Variants in PIGU observed in about 807,000 individuals in gnomAD.
PIGU encodes phosphatidylinositol glycan anchor biosynthesis class U.
A neutral mutation model predicts 49.9 loss-of-function variants in PIGU; 24 were observed. The ratio of observed to expected loss-of-function variants is 0.48; its 90% CI spans 0.35 to 0.68. PIGU has a LOEUF of 0.68. PIGU is among the 30% of genes least tolerant of loss of function. The pLI, the probability that PIGU is intolerant of heterozygous loss-of-function variation, is 0.01. For missense variants in PIGU, 490 were observed against 532.6 expected, an observed-to-expected ratio of 0.92 and a Z score of 0.79; for synonymous variants, 220 against 205.7, an observed-to-expected ratio of 1.07 and a Z score of -0.59.
chr20:34,603,891 A>C (rs1984521973), intron 7 of PIGU, among the ~76,000 whole-genome samples: 1 of 77,554 alleles, frequency 1.3e-5, no homozygotes, highest in South Asian at 3.2e-4. Context: ...CACACACACC[A>C]CACCCCTACA....
At chr20:34,644,325 C>T in intron 3 of PIGU, 99 bp from the exon 4 acceptor site, 1 of 945,832 alleles carries the variant, frequency 1.1e-6, no homozygotes, top group Non-Finnish European at 1.7e-6. Flanking sequence ...TGATGGACTA[C>T]CAAGTACTGG....
chr20:34,663,102 G>C (rs1250016061), intron 1 of PIGU, among the ~76,000 whole-genome samples: 1 of 151,974 alleles, frequency 6.6e-6, no homozygotes, highest in Non-Finnish European at 1.5e-5. Flanking sequence ...ACAGTGTCTT[G>C]CCATGTTGCG....
chr20:34,589,394 G>A (rs570471083), intron 7 of PIGU, among the ~76,000 whole-genome samples: 5 of 152,154 alleles, frequency 3.3e-5, no homozygotes, highest in East Asian at 1.9e-4. Flanking sequence ...TTGCTGTGTC[G>A]CCAAGGTAGA....
At chr20:34,586,526 G>A (rs1007049730) in intron 8 of PIGU, among the ~76,000 whole-genome samples, 2 of 152,140 alleles carry the variant, frequency 1.3e-5, no homozygotes, top group African/African-American at 2.4e-5. Flanking sequence ...CAAATAAGCA[G>A]TCCAGAATTC....
chr20:34,630,847 G>A (rs998354081), intron 6 of PIGU, among the ~76,000 whole-genome samples: 1 of 151,910 alleles, frequency 6.6e-6, no homozygotes, highest in African/African-American at 2.4e-5. Flanking sequence ...GTCTCACTAT[G>A]TTGTCCAGGC....
chr20:34,638,010 G>T, intron 4 of PIGU, 25 bp from the exon 5 acceptor site: 1 of 1,556,526 alleles, frequency 6.4e-7, no homozygotes, highest in Non-Finnish European at 8.6e-7. Flanking sequence ...AAAAGGAAAA[G>T]ATAAAACACA....
intron 1 of PIGU, among the ~76,000 whole-genome samples, chr20:34,658,254 C>G (rs1308337279): frequency 6.6e-6 from 1 of 152,244 alleles, no homozygotes; most frequent in Non-Finnish European, 1.5e-5. Context: ...CTCGGCCTCC[C>G]GAGGTGCCGG....
chr20:34,619,244 G>A (rs1985119102), intron 6 of PIGU, among the ~76,000 whole-genome samples: 1 of 152,144 alleles, frequency 6.6e-6, no homozygotes, highest in Non-Finnish European at 1.5e-5. Flanking sequence ...ACAGGATCAC[G>A]CCCAGCTAAG....
rs138862528 is a variant in PIGU at position 34,565,708 on chromosome 20, GACACACAC to G, written c.1195-4737_1195-4730del. ...TTCTCTTCCTGCAGCCACCTCTCTGGACACACACACACACACACACACACACAGGTGCA... is the reference window on the plus strand; with the variant it reads ...TTCTCTTCCTGCAGCCACCTCTCTGGACACACACACACACACACAGGTGCA... On this transcript the variant is annotated intron_variant, in intron 11 of 11. Coordinates refer to ENST00000217446, the MANE Select transcript of PIGU (RefSeq NM_080476.5). Among the ~76,000 whole-genome samples, 14 of 147,090 alleles carry G rather than the reference GACACACAC, an allele frequency of 9.5e-5. No individual in the cohort carries two copies. The East Asian group carries it at 1.2e-3, about 13-fold the overall frequency.
chr20:34,563,919 G>C (rs1195163274), intron 11 of PIGU, among the ~76,000 whole-genome samples: 1 of 152,156 alleles, frequency 6.6e-6, no homozygotes, highest in Non-Finnish European at 1.5e-5. Flanking sequence ...ACTTTGCCTG[G>C]GGTATTCTTT....
intron 7 of PIGU, among the ~76,000 whole-genome samples, chr20:34,604,411 G>A (rs994129836): frequency 6.6e-6 from 1 of 152,094 alleles, no homozygotes; most frequent in African/African-American, 2.4e-5. Context: ...ACCTAACAAT[G>A]TTTTTACATG....
At chr20:34,643,841 A>T (rs540142640) in intron 4 of PIGU, 1 of 166,110 alleles carries the variant, frequency 6.0e-6, no homozygotes, top group Non-Finnish European at 1.3e-5. Context: ...AAAGACTAGA[A>T]GATTTTTAAG....
At chr20:34,590,119 G>A (rs1211265653) in intron 7 of PIGU, among the ~76,000 whole-genome samples, 2 of 150,466 alleles carry the variant, frequency 1.3e-5, no homozygotes, top group African/African-American at 4.9e-5. Context: ...GATGCTGGGG[G>A]AAGAGAAATA....
chr20:34,656,424 AGGC>A (rs1986701535), intron 2 of PIGU, among the ~76,000 whole-genome samples: 1 of 118,060 alleles, frequency 8.5e-6, no homozygotes, highest in African/African-American at 3.2e-5. Context: ...CTGGGACTAC[AGGC>A]GCCCACTACC....
chr20:34,616,938 C>T (rs536566839), intron 6 of PIGU, among the ~76,000 whole-genome samples: 58 of 152,270 alleles, frequency 3.8e-4, no homozygotes, highest in Non-Finnish European at 5.4e-4. Context: ...GGTGAAACCT[C>T]GTCTCTACTA....
At chr20:34,676,798 GC>G (rs1389245096) in intron 1 of PIGU, among the ~76,000 whole-genome samples, 157 bp downstream of exon 1, 1 of 133,214 alleles carries the variant, frequency 7.5e-6, no homozygotes, top group Non-Finnish European at 1.6e-5. Flanking sequence ...CCCCTCACCA[GC>G]CCCGCCCTCA....
intron 1 of PIGU, among the ~76,000 whole-genome samples, chr20:34,659,688 T>A (rs1198996604): frequency 6.6e-6 from 1 of 152,192 alleles, no homozygotes; most frequent in East Asian, 1.9e-4. Flanking sequence ...TGGGAGACTT[T>A]TCATTTTGTT....
intron 6 of PIGU, among the ~76,000 whole-genome samples, chr20:34,617,537 G>A (rs1442093036): frequency 6.6e-6 from 1 of 152,206 alleles, no homozygotes; most frequent in Non-Finnish European, 1.5e-5. Flanking sequence ...TGTAACGGAT[G>A]TATTTACCCA....
chr20:34,584,003 T>C (rs1162567359), intron 9 of PIGU, among the ~76,000 whole-genome samples: 1 of 152,186 alleles, frequency 6.6e-6, no homozygotes, highest in East Asian at 1.9e-4. Context: ...TTCCCTTATC[T>C]GAAGCTAGGA....
Sources: gnomAD v4.1 joint callset for allele counts (sites outside exome capture counted in the v4.1 genomes callset) on GRCh38, gnomAD v4.1.1 for gene constraint, MANE v1.5 for transcripts, NCBI Gene and HGNC (gene_info 2026-07-23, HGNC 2026-07-21) for gene names.